Variants in DNAH7 observed in about 807,000 individuals in gnomAD.
DNAH7 encodes the protein axonemal beta dynein heavy chain 7.
DNAH7 carries 397 observed loss-of-function variants against 444.6 expected under a neutral mutation model. That is an observed-to-expected ratio of 0.89 (90% confidence interval 0.82 to 0.97). DNAH7 has a LOEUF of 0.97. Among genes scored for constraint, DNAH7 ranks in the 50% least tolerant of loss-of-function variants. The probability of loss-of-function intolerance (pLI) is 0.00; values close to 1 mark genes in which losing one functional copy is unlikely to be tolerated. For synonymous variants in DNAH7, 1,636 were observed against 1,624.4 expected (o/e 1.01, Z -0.17); for missense variants, 4,902 against 4,800.8 (o/e 1.02, Z -0.62).
At position 196,058,122 on chromosome 2, in the gene DNAH7, T is replaced by C. The variant is rs758631597; in HGVS notation, c.16-6A>G. On this transcript the variant is annotated splice_region_variant and splice_polypyrimidine_tract_variant and intron_variant, in intron 1 of 64. Transcript: ENST00000312428. ...TCTTTGCTGGCCGATTTATCCTGTA[T>C]GAAAAACATGAAAAAACAAAACTGT... The C allele has an allele frequency of 4.2e-5, 66 of 1,567,524 alleles. No homozygotes were observed. The highest frequency in any genetic ancestry group is 5.1e-5 in the Non-Finnish European group (59 of 1,161,410).
chr2:195,838,276 G>A (rs1003487939), intron 47 of DNAH7, among the ~76,000 whole-genome samples: 2 of 152,074 alleles, frequency 1.3e-5, no homozygotes, highest in Admixed American at 1.3e-4. Context: ...AGGACCTAGA[G>A]TCTCATATTC....
chr2:195,748,852 C>A (rs1192702826), intron 63 of DNAH7, among the ~76,000 whole-genome samples: 4 of 152,178 alleles, frequency 2.6e-5, no homozygotes, highest in Non-Finnish European at 5.9e-5. Flanking sequence ...GGATTAAAGA[C>A]TTAAACGTTA....
chr2:196,011,990 T>C (rs1439638927), intron 10 of DNAH7, among the ~76,000 whole-genome samples: 1 of 152,102 alleles, frequency 6.6e-6, no homozygotes, highest in East Asian at 1.9e-4. Flanking sequence ...TAATATAAAA[T>C]AAAAGGCTAA....
intron 21 of DNAH7, among the ~76,000 whole-genome samples, chr2:195,932,910 G>A (rs956455834): frequency 6.6e-6 from 1 of 152,150 alleles, no homozygotes; most frequent in African/African-American, 2.4e-5. Flanking sequence ...CCAGGCTTTG[G>A]TAGCAGGATG....
At chr2:195,925,341 C>A (rs1350151445) in intron 22 of DNAH7, among the ~76,000 whole-genome samples, 2 of 152,118 alleles carry the variant, frequency 1.3e-5, no homozygotes, top group African/African-American at 4.8e-5. Context: ...AGAAATCCCT[C>A]TGAGTGTGGT....
At chr2:195,810,666 CTTAACTATTTTA>C (rs1696927236) in intron 51 of DNAH7, among the ~76,000 whole-genome samples, 1 of 143,290 alleles carries the variant, frequency 7.0e-6, no homozygotes. Flanking sequence ...TGCCTATTTT[CTTAACTATTTTA>C]TCCCCTGCAG....
chr2:196,057,920 G>A (rs979723548), intron 2 of DNAH7, 134 bp downstream of exon 2: 3 of 685,330 alleles, frequency 4.4e-6, no homozygotes, highest in Admixed American at 3.6e-5. Flanking sequence ...TCCTCCATCA[G>A]AAAAGAATCA....
chr2:196,063,608 G>C (rs1698253314), intron 1 of DNAH7: 1 of 152,250 alleles, frequency 6.6e-6, no homozygotes, highest in Non-Finnish European at 1.5e-5. Context: ...CTTCACAACT[G>C]AGCAAGGTTC....
At chr2:195,788,909 G>C (rs1695747643) in intron 57 of DNAH7, among the ~76,000 whole-genome samples, 1 of 152,144 alleles carries the variant, frequency 6.6e-6, no homozygotes, top group African/African-American at 2.4e-5. Context: ...TTGTATATTT[G>C]TGTATGTGTG....
chr2:195,791,968 C>T (rs540779386), intron 57 of DNAH7, among the ~76,000 whole-genome samples: 1 of 152,018 alleles, frequency 6.6e-6, no homozygotes, highest in African/African-American at 2.4e-5. Context: ...GTGTTTGAGA[C>T]CAGCCTGGCC....
intron 8 of DNAH7, 84 bp from the exon 9 acceptor site, chr2:196,019,379 T>C (rs1265136086): frequency 6.2e-6 from 7 of 1,136,038 alleles, no homozygotes; most frequent in Non-Finnish European, 8.1e-6. Context: ...AATTATTTAA[T>C]TTTAATAAAA....
At chr2:196,020,703 T>C (rs1451131121) in intron 8 of DNAH7, among the ~76,000 whole-genome samples, 2 of 150,400 alleles carry the variant, frequency 1.3e-5, no homozygotes, top group East Asian at 3.9e-4. Context: ...CTCCACCTCC[T>C]GGGTTCAAGC....
chr2:195,803,263 A>C (rs1166047432), intron 54 of DNAH7, among the ~76,000 whole-genome samples: 1 of 152,250 alleles, frequency 6.6e-6, no homozygotes, highest in African/African-American at 2.4e-5. Flanking sequence ...TTTTACTTGA[A>C]GCAAGTTTGA....
intron 57 of DNAH7, among the ~76,000 whole-genome samples, chr2:195,792,166 C>CAAA (rs34983984): frequency 0.013 from 714 of 53,200 alleles, 25 homozygotes; most frequent in African/African-American, 0.046. Context: ...GACCCTGTCT[C>CAAA]AAAAAAAAAA....
chr2:195,978,347 A>G (rs1031562394), intron 15 of DNAH7, among the ~76,000 whole-genome samples: 3 of 152,158 alleles, frequency 2.0e-5, no homozygotes, highest in African/African-American at 4.8e-5. Flanking sequence ...ATAATAAATT[A>G]TAAGATATTA....
intron 29 of DNAH7, among the ~76,000 whole-genome samples, chr2:195,896,272 T>C (rs112411923): frequency 2.0e-5 from 3 of 152,234 alleles, no homozygotes; most frequent in Non-Finnish European, 4.4e-5. Context: ...TATTTTCCAA[T>C]GAGTAACTTC....
At chr2:195,865,587 T>C (rs1300483181) in intron 40 of DNAH7, among the ~76,000 whole-genome samples, 1 of 152,184 alleles carries the variant, frequency 6.6e-6, no homozygotes, top group Admixed American at 6.5e-5. Context: ...TCTACTAAAA[T>C]AAATCTCCGG....
intron 1 of DNAH7, among the ~76,000 whole-genome samples, chr2:196,066,709 T>C (rs1698447959): frequency 6.6e-6 from 1 of 152,224 alleles, no homozygotes; most frequent in African/African-American, 2.4e-5. Context: ...AAATTCCATG[T>C]CACTCTCAAC....
At chr2:196,037,843 C>G (rs1180950712) in intron 5 of DNAH7, among the ~76,000 whole-genome samples, 1 of 152,000 alleles carries the variant, frequency 6.6e-6, no homozygotes, top group Non-Finnish European at 1.5e-5. Flanking sequence ...CTGAAAACTT[C>G]CCAAGTCTTA....
Sources: gnomAD v4.1 joint callset for allele counts (sites outside exome capture counted in the v4.1 genomes callset) on GRCh38, gnomAD v4.1.1 for gene constraint, MANE v1.5 for transcripts, NCBI Gene and HGNC (gene_info 2026-07-23, HGNC 2026-07-21) for gene names.